Variants in ARHGEF18 observed in about 807,000 individuals in gnomAD.
ARHGEF18 encodes the protein Rho/Rac guanine nucleotide exchange factor 18.
In ARHGEF18, 93 loss-of-function variants were observed where a neutral mutation model predicts 155.7. The observed-to-expected ratio is 0.60, with a 90% CI of 0.50 to 0.71. The LOEUF (loss-of-function observed/expected upper bound fraction) is 0.71. ARHGEF18 is among the 30% of genes least tolerant of loss of function. ARHGEF18 has a pLI of 0.00. For missense variants in ARHGEF18, 1,593 were observed against 1,816.1 expected (o/e 0.88, Z 2.23); for synonymous variants, 742 against 753.1 (o/e 0.99, Z 0.24).
intron 18 of ARHGEF18, among the ~76,000 whole-genome samples, chr19:7,457,166 A>G (rs976357515): frequency 3.3e-5 from 5 of 152,084 alleles, no homozygotes; most frequent in African/African-American, 1.2e-4. Context: ...AGATGAAGGT[A>G]TCAGCAGGGT....
Position 7,378,719 on chromosome 19 carries a change from G to T in ARHGEF18, c.599+268G>T, listed in dbSNP as rs1364002545. 2.3e-5 allele frequency among the ~76,000 whole-genome samples: 3 copies of T among 132,862 alleles called. No homozygotes were observed. The Admixed American group carries it at 2.5e-4, about 11-fold the overall frequency. 87.2% of individuals were successfully genotyped at this position (132,862 alleles called of 152,430 possible). A position where few individuals can be genotyped will look rare whatever the true frequency, so the allele number is the denominator to read the frequency against. On this transcript the variant is annotated intron_variant, in intron 6 of 28. Transcript: ENST00000668164. Reference sequence around the variant, plus strand: ...TTTTTTTTTTTTTTTTTGAGATAGGGTCTCACTCTGTCACCCAGGCTGGAG... The same window carrying T: ...TTTTTTTTTTTTTTTTTGAGATAGGTTCTCACTCTGTCACCCAGGCTGGAG...
chr19:7,464,403 C>T (rs1352543765), intron 22 of ARHGEF18, among the ~76,000 whole-genome samples, 157 bp from the exon 23 acceptor site: 1 of 152,170 alleles, frequency 6.6e-6, no homozygotes, highest in African/African-American at 2.4e-5. Context: ...AGCACCCAGA[C>T]CAGCCTGCCC....
At chr19:7,455,414 T>A (rs1975767340) in intron 17 of ARHGEF18, among the ~76,000 whole-genome samples, 1 of 152,108 alleles carries the variant, frequency 6.6e-6, no homozygotes, top group South Asian at 2.1e-4. Context: ...TGGAAGCAGC[T>A]CCCCAAAAGT....
intron 10 of ARHGEF18, among the ~76,000 whole-genome samples, chr19:7,437,134 A>C (rs1369287597): frequency 6.6e-6 from 1 of 152,222 alleles, no homozygotes; most frequent in Non-Finnish European, 1.5e-5. Flanking sequence ...AGCTAAATTA[A>C]AAGTTGCTCA....
At chr19:7,446,891 G>A (rs1219380537) in intron 14 of ARHGEF18, 152 bp from the exon 15 acceptor site, 3 of 963,088 alleles carry the variant, frequency 3.1e-6, no homozygotes, top group African/African-American at 2.0e-5. Context: ...GCAAGATGCT[G>A]TCTCAAAAAA....
chr19:7,428,433 C>G (rs561513276), intron 10 of ARHGEF18, among the ~76,000 whole-genome samples: 2 of 152,126 alleles, frequency 1.3e-5, no homozygotes, highest in Admixed American at 6.5e-5. Flanking sequence ...TCTCACTTCT[C>G]TCAAGCTGGA....
intron 10 of ARHGEF18, among the ~76,000 whole-genome samples, chr19:7,434,157 A>T (rs1185428867): frequency 1.3e-5 from 2 of 151,762 alleles, no homozygotes; most frequent in Non-Finnish European, 2.9e-5. Context: ...AGTGTTTTTT[A>T]AAAAAACAAA....
intron 10 of ARHGEF18, among the ~76,000 whole-genome samples, chr19:7,387,243 T>C (rs1393958818): frequency 1.3e-5 from 2 of 151,982 alleles, no homozygotes; most frequent in Non-Finnish European, 2.9e-5. Flanking sequence ...AGCTCTGCCT[T>C]CCTGGTTCAT....
intron 6 of ARHGEF18, among the ~76,000 whole-genome samples, 171 bp downstream of exon 6, chr19:7,378,622 C>T (rs957237158): frequency 4.0e-5 from 6 of 149,576 alleles, no homozygotes; most frequent in Admixed American, 3.3e-4. Context: ...ATCCTTCTCC[C>T]GGTGGGAGGG....
intron 10 of ARHGEF18, among the ~76,000 whole-genome samples, chr19:7,396,626 A>T (rs1971724537): frequency 6.6e-6 from 1 of 151,866 alleles, no homozygotes; most frequent in Non-Finnish European, 1.5e-5. Context: ...GAGGCAGGGG[A>T]ATCACTTGAA....
At position 7,391,271 on chromosome 19, in the gene ARHGEF18, C is replaced by G. The variant is rs76662618; in HGVS notation, c.967+8068C>G. ...ACAGTCTGTCCCGTTTCCTCCCGTC[C>G]GTGGGACAGACGGAGGAAACAGCCT... On this transcript the variant is annotated intron_variant, in intron 10 of 28. Coordinates refer to ENST00000668164, the MANE Select transcript of ARHGEF18 (RefSeq NM_001367823.1). Among the ~76,000 whole-genome samples, 1,717 of 152,066 alleles carry G rather than the reference C, an allele frequency of 0.011. 130 individuals carry two copies. The East Asian group carries it at 0.18, about 16-fold the overall frequency.
intron 10 of ARHGEF18, among the ~76,000 whole-genome samples, chr19:7,432,707 C>T (rs970588594): frequency 6.6e-6 from 1 of 152,182 alleles, no homozygotes; most frequent in Non-Finnish European, 1.5e-5. Flanking sequence ...CAGCTGCCTT[C>T]AAAAGATGTT....
Position 7,463,344 on chromosome 19 carries a change from C to T in ARHGEF18, c.2636-474C>T, listed in dbSNP as rs906511410. The stretch of plus-strand genomic sequence containing the variant: ...GCCTGGAATGTTCTTGTCCCCACCT[C>T]TGTGCCTGGCCACAGCCTGTTGGTC... On this transcript the variant is annotated intron_variant, in intron 21 of 28. Coordinates refer to ENST00000668164, the MANE Select transcript of ARHGEF18 (RefSeq NM_001367823.1). This position sits in a 1 kb window ranked among gnomAD's most constrained non-coding sequence, Gnocchi z 5.2. Among the ~76,000 whole-genome samples the T allele has an allele frequency of 2.0e-5, 3 of 152,238 alleles. No individual in the cohort carries two copies. The highest frequency in any genetic ancestry group is 4.4e-5 in the Non-Finnish European group (3 of 68,046).
At chr19:7,370,872 G>A (rs895411781) in intron 2 of ARHGEF18, among the ~76,000 whole-genome samples, 8 of 151,648 alleles carry the variant, frequency 5.3e-5, no homozygotes, top group Non-Finnish European at 8.8e-5. Context: ...CTCTGGACTC[G>A]TCGGGTTCAT....
chr19:7,438,478 C>G (rs963359803), intron 10 of ARHGEF18, among the ~76,000 whole-genome samples: 1 of 151,240 alleles, frequency 6.6e-6, no homozygotes, highest in African/African-American at 2.4e-5. Flanking sequence ...GTGGCACGGT[C>G]TCGGCTCACC....
chr19:7,403,428 A>G (rs1358339143), intron 10 of ARHGEF18, among the ~76,000 whole-genome samples: 3 of 152,094 alleles, frequency 2.0e-5, no homozygotes, highest in East Asian at 3.9e-4. Context: ...TAGACTTTTC[A>G]TATCAGTGGA....
intron 17 of ARHGEF18, among the ~76,000 whole-genome samples, chr19:7,455,214 A>G (rs1467205455): frequency 1.3e-5 from 2 of 152,138 alleles, no homozygotes; most frequent in Non-Finnish European, 2.9e-5. Flanking sequence ...GCCGAGTTGG[A>G]TGGTAGGAAT....
chr19:7,421,854 G>C (rs925330514), intron 10 of ARHGEF18, among the ~76,000 whole-genome samples: 10 of 152,130 alleles, frequency 6.6e-5, no homozygotes, highest in African/African-American at 2.4e-4. Context: ...AGAGGGTCCT[G>C]GGTGGCATTT....
chr19:7,408,539 G>A lies in ARHGEF18; in HGVS notation c.967+25336G>A, dbSNP rs144086637. Among the ~76,000 whole-genome samples, 361 of 152,374 alleles carry A rather than the reference G, an allele frequency of 2.4e-3. 2 individuals carry two copies. The highest frequency in any genetic ancestry group is 8.3e-3 in the African/African-American group (345 of 41,594). On this transcript the variant is annotated intron_variant, in intron 10 of 28. Coordinates refer to ENST00000668164, the MANE Select transcript of ARHGEF18 (RefSeq NM_001367823.1). Reference sequence around the variant, plus strand: ...CTGACTAAATTTGGCGAGGGATGCGGGTTAGGGAACAGGAGGCCCTCACCT... The same window carrying A: ...CTGACTAAATTTGGCGAGGGATGCGAGTTAGGGAACAGGAGGCCCTCACCT...
Sources: gnomAD v4.1 joint callset for allele counts (sites outside exome capture counted in the v4.1 genomes callset) on GRCh38, gnomAD v4.1.1 for gene constraint, Gnocchi (gnomAD v3.1) non-coding constraint, MANE v1.5 for transcripts, NCBI Gene and HGNC (gene_info 2026-07-23, HGNC 2026-07-21) for gene names.